The following DCP1A variants were observed in gnomAD, a reference collection of about 807,000 sequenced individuals.
DCP1A encodes decapping mRNA 1A.
DCP1A carries 20 observed loss-of-function variants against 58.0 expected under a neutral mutation model. That is an observed-to-expected ratio of 0.34 (90% CI 0.24 to 0.50). The LOEUF is 0.50. Among genes scored for constraint, DCP1A ranks in the 20% least tolerant of loss-of-function variants. The probability of loss-of-function intolerance (pLI) is 0.98; values close to 1 mark genes in which losing one functional copy is unlikely to be tolerated. For synonymous variants in DCP1A, 285 were observed against 275.1 expected, an observed-to-expected ratio of 1.04 and a Z score of -0.36; for missense variants, 613 against 712.2, an observed-to-expected ratio of 0.86 and a Z score of 1.59.
intron 5 of DCP1A, among the ~76,000 whole-genome samples, chr3:53,306,770 C>CAAAAA (rs1169051475): frequency 2.9e-5 from 1 of 34,622 alleles, no homozygotes; most frequent in Non-Finnish European, 6.2e-5. Flanking sequence ...GACTCCGTCT[C>CAAAAA]AAAAAAAAAA....
chr3:53,327,844 C>T (rs1232844286), intron 3 of DCP1A, among the ~76,000 whole-genome samples: 6 of 151,190 alleles, frequency 4.0e-5, no homozygotes, highest in South Asian at 4.2e-4. Context: ...AAACAAAGGC[C>T]GGGCGTGGTG....
chr3:53,306,995 G>A (rs1233313411), intron 5 of DCP1A, among the ~76,000 whole-genome samples: 2 of 143,288 alleles, frequency 1.4e-5, no homozygotes, highest in Admixed American at 1.4e-4. Flanking sequence ...GGAGTGCAGT[G>A]GCGCAATCTT....
chr3:53,319,489 GA>G lies in DCP1A; in HGVS notation c.305-17del, dbSNP rs781786985. On this transcript the variant is annotated splice_polypyrimidine_tract_variant and intron_variant, in intron 3 of 9. Transcript: ENST00000610213. ...TATATCGACACTTGAAAAACAAAGG[GA>G]AAAAAAGATAAGAAGAAATGAGGTT... is the stretch of plus-strand genomic sequence containing the variant. The G allele has an allele frequency of 5.2e-5, 78 of 1,503,186 alleles. No homozygotes were observed. The highest frequency in any genetic ancestry group is 6.4e-5 in the Non-Finnish European group (71 of 1,104,976). The allele number at this position is 1,503,186 out of a possible 1,614,324, so 93.1% of individuals were successfully genotyped here. A position where few individuals can be genotyped will look rare whatever the true frequency, so the allele number is the denominator to read the frequency against.
chr3:53,309,172 C>T (rs186410799), intron 5 of DCP1A, among the ~76,000 whole-genome samples: 1 of 151,924 alleles, frequency 6.6e-6, no homozygotes, highest in Admixed American at 6.6e-5. Context: ...GAGATTGAGA[C>T]TATCCTGGCC....
intron 5 of DCP1A, among the ~76,000 whole-genome samples, chr3:53,306,890 T>TTG (rs1707492447): frequency 6.6e-6 from 1 of 151,526 alleles, no homozygotes; most frequent in African/African-American, 2.4e-5. Flanking sequence ...GCTATTTTTT[T>TTG]GTAGAGATGG....
intron 3 of DCP1A, among the ~76,000 whole-genome samples, chr3:53,340,094 T>G (rs1553692375): frequency 6.6e-6 from 1 of 152,064 alleles, no homozygotes; most frequent in African/African-American, 2.4e-5. Flanking sequence ...TGGCTAATTT[T>G]TCTATTTTTT....
rs1553685428 is a variant in DCP1A at position 53,288,152 on chromosome 3, T to TA, written c.1580dup (p.Thr528AsnfsTer31). 1 of 1,614,036 alleles carries TA rather than the reference T, an allele frequency of 6.2e-7. No homozygotes were observed. The highest frequency in any genetic ancestry group is 1.7e-5 in the Admixed American group (1 of 60,024). On this transcript the variant is annotated frameshift_variant, in exon 9 of 10. Coordinates refer to ENST00000610213, the MANE Select transcript of DCP1A (RefSeq NM_018403.7). LOFTEE classifies it high-confidence loss of function. ...TCTGACTTTCTGGCGTTCCAATAGT[T>TA]AGAGGAGAAGGGGAGCTGGCTTTCC...
intron 4 of DCP1A, among the ~76,000 whole-genome samples, chr3:53,312,649 C>T (rs797030348): frequency 7.2e-5 from 11 of 152,050 alleles, no homozygotes; most frequent in African/African-American, 2.7e-4. Flanking sequence ...CGCCCACCAC[C>T]ACACCCGGCT....
At chr3:53,328,418 G>GA (rs1398238812) in intron 3 of DCP1A, among the ~76,000 whole-genome samples, 2 of 151,472 alleles carry the variant, frequency 1.3e-5, no homozygotes, top group African/African-American at 4.9e-5. Context: ...GTTCTCAAAA[G>GA]AAAAAACATT....
At chr3:53,298,570 G>A (rs1707207415) in intron 6 of DCP1A, among the ~76,000 whole-genome samples, 1 of 152,138 alleles carries the variant, frequency 6.6e-6, no homozygotes, top group African/African-American at 2.4e-5. Flanking sequence ...TATAGATGAT[G>A]CCCAAATACA....
chr3:53,305,426 T>C (rs1553687928), intron 5 of DCP1A, among the ~76,000 whole-genome samples: 1 of 152,058 alleles, frequency 6.6e-6, no homozygotes. Context: ...CTCAGCTTAC[T>C]GTGCTCTCTG....
intron 4 of DCP1A, among the ~76,000 whole-genome samples, chr3:53,312,800 A>C (rs959323253): frequency 1.3e-5 from 2 of 152,132 alleles, no homozygotes; most frequent in African/African-American, 4.8e-5. Flanking sequence ...CGATTACATT[A>C]TTCTTGCAAT....
At chr3:53,295,332 TA>T (rs1707085071) in intron 6 of DCP1A, among the ~76,000 whole-genome samples, 1 of 152,184 alleles carries the variant, frequency 6.6e-6, no homozygotes, top group Non-Finnish European at 1.5e-5. Context: ...ATTTCACCTT[TA>T]AAAATATTCA....
chr3:53,315,755 T>G (rs1559694525), intron 4 of DCP1A, among the ~76,000 whole-genome samples: 1 of 108,778 alleles, frequency 9.2e-6, no homozygotes, highest in African/African-American at 4.0e-5. Context: ...TTTTTTTTTT[T>G]TGTTTTTTTT....
chr3:53,336,667 A>G, intron 3 of DCP1A, among the ~76,000 whole-genome samples: 1 of 152,068 alleles, frequency 6.6e-6, no homozygotes, highest in Non-Finnish European at 1.5e-5. Flanking sequence ...AGGGATCTAC[A>G]TTTGCTTCTG....
Position 53,287,524 on chromosome 3 carries a change from T to C in DCP1A, c.*56A>G, listed in dbSNP as rs1706683377. 1 of 1,204,142 alleles carries C rather than the reference T, an allele frequency of 8.3e-7. No individual in the cohort carries two copies. The allele number at this position is 1,204,142 out of a possible 1,614,324, so 74.6% of individuals were successfully genotyped here. On this transcript the variant is annotated 3_prime_UTR_variant, in exon 10 of 10. Transcript: ENST00000610213. Reference sequence around the variant, plus strand: ...ATGTTCTGCTCAGAAGTTTCCATGATGAAGCCTATTTGTCTCTGAGGCTGG... The same window carrying C: ...ATGTTCTGCTCAGAAGTTTCCATGACGAAGCCTATTTGTCTCTGAGGCTGG...
chr3:53,298,485 G>A (rs1159658804), intron 6 of DCP1A, among the ~76,000 whole-genome samples: 2 of 152,102 alleles, frequency 1.3e-5, no homozygotes. Context: ...TTACTATGTG[G>A]GAGGCGATAT....
At chr3:53,319,649 A>G (rs1436831075) in intron 3 of DCP1A, among the ~76,000 whole-genome samples, 176 bp from the exon 4 acceptor site, 1 of 152,242 alleles carries the variant, frequency 6.6e-6, no homozygotes, top group Non-Finnish European at 1.5e-5. Context: ...TAATAAAATC[A>G]GGACAGGTAA....
chr3:53,323,926 T>A (rs151049844), intron 3 of DCP1A, among the ~76,000 whole-genome samples: 3,470 of 150,514 alleles, frequency 0.023, 144 homozygotes, highest in South Asian at 0.15. Flanking sequence ...GAACACACAA[T>A]TTTTTCTGTG....
Sources: allele counts gnomAD v4.1 joint callset (sites outside exome capture counted in the v4.1 genomes callset), GRCh38; gene constraint gnomAD v4.1.1; transcripts MANE v1.5; gene names NCBI Gene and HGNC (gene_info 2026-07-23, HGNC 2026-07-21).